HERC2: variants seen among roughly 807,000 people sequenced by gnomAD.
The protein encoded by HERC2 is E3 ubiquitin-protein ligase HERC2.
HERC2 carries 102 observed loss-of-function variants against 537.7 expected under a neutral mutation model. The observed-to-expected ratio is 0.19, with a 90% confidence interval of 0.16 to 0.22. The LOEUF is 0.22. Ranked by LOEUF, HERC2 falls within the 10% of genes least tolerant of loss-of-function variation. HERC2 has a pLI of 1.00. For synonymous variants in HERC2, 2,224 were observed against 2,466.2 expected (o/e 0.90, Z 2.91); for missense variants, 4,236 against 6,198.2 (o/e 0.68, Z 10.63).
intron 78 of HERC2, among the ~76,000 whole-genome samples, chr15:28,140,531 T>G (rs371826254): frequency 5.9e-5 from 9 of 152,144 alleles, no homozygotes; most frequent in Non-Finnish European, 1.3e-4. Context: ...CAATCTTTTT[T>G]TGGGGGCGGA....
chr15:28,225,278 C>T (rs1901004022), intron 35 of HERC2, among the ~76,000 whole-genome samples: 1 of 146,966 alleles, frequency 6.8e-6, no homozygotes, highest in Admixed American at 6.6e-5. Flanking sequence ...CAAAAAAATA[C>T]AAAGCAGAAA....
At chr15:28,248,261 T>C (rs533548383) in intron 21 of HERC2, among the ~76,000 whole-genome samples, 11 of 152,318 alleles carry the variant, frequency 7.2e-5, no homozygotes, top group South Asian at 2.1e-4. Flanking sequence ...CAGCATTCCA[T>C]AGCACATGGA....
intron 2 of HERC2, among the ~76,000 whole-genome samples, chr15:28,317,916 T>C (rs2141323188): frequency 6.6e-6 from 1 of 152,300 alleles, no homozygotes; most frequent in South Asian, 2.1e-4. Context: ...AAATAAAAAG[T>C]TTTTTAAAAA....
In HERC2 at chr15:28,113,679, C is replaced by A; in HGVS notation, c.13914-1G>T. On this transcript the variant is annotated splice_acceptor_variant, in intron 90 of 92. Transcript: ENST00000261609. LOFTEE classifies it high-confidence loss of function. This position sits in a 1 kb window ranked among gnomAD's most constrained non-coding sequence, Gnocchi z 7.0. ...CACCTGCTCATCAAATTCATGGAGT[C>A]TGGAAGAAAAAGCTCACTTTACACT... 6.2e-7 allele frequency: 1 copy of A among 1,613,512 alleles called. No individual in the cohort carries two copies. Among genetic ancestry groups the A allele is most frequent in the Non-Finnish European group, 8.5e-7 (1 of 1,179,500 alleles).
At chr15:28,321,936 C>G (rs1272457049) in intron 1 of HERC2, 139 bp downstream of exon 1, 1 of 137,324 alleles carries the variant, frequency 7.3e-6, no homozygotes, top group Non-Finnish European at 1.5e-5. Flanking sequence ...GGAGAGAGGC[C>G]CGAGGCTGCC....
At chr15:28,192,927 T>TC (rs1896984595) in intron 52 of HERC2, among the ~76,000 whole-genome samples, 2 of 141,758 alleles carry the variant, frequency 1.4e-5, no homozygotes, top group South Asian at 5.3e-4. Flanking sequence ...TTTTTGGGTT[T>TC]CCCTTTTTTT....
chr15:28,321,517 G>T (rs1453645527), intron 1 of HERC2, 53 bp from the exon 2 acceptor site: 3 of 930,374 alleles, frequency 3.2e-6, no homozygotes, highest in South Asian at 1.5e-5. Context: ...AGTTTACAAA[G>T]ACACTCCCGA....
chr15:28,115,296 T>C, intron 89 of HERC2, 133 bp downstream of exon 89: 4 of 471,084 alleles, frequency 8.5e-6, no homozygotes, highest in Admixed American at 3.8e-5. Context: ...TCAAAGGTGG[T>C]CCACAGCCAA....
At chr15:28,158,392 A>G (rs1277799550) in intron 69 of HERC2, among the ~76,000 whole-genome samples, 5 of 152,180 alleles carry the variant, frequency 3.3e-5, no homozygotes, top group Non-Finnish European at 7.3e-5. Context: ...TGGGTCTCTA[A>G]GGACTTGCTT....
chr15:28,117,128 C>T lies in HERC2; in HGVS notation c.13299G>A (p.Gly4433=). 2.5e-6 allele frequency: 4 copies of T among 1,614,034 alleles called. No homozygotes were observed. Among genetic ancestry groups the T allele is most frequent in the South Asian group, 1.1e-5 (1 of 91,086 alleles). The change falls in exon 87 of 93, where the codon GGG becomes GGA. Residue 4433 remains glycine, a synonymous_variant. Transcript: ENST00000261609. The stretch of plus-strand genomic sequence containing the variant: ...ACTTGGTGCCGTCGGGGCCGGCCAG[C>T]CCGCCTTTGCTCCTTGATCGTTTGA... The part of the protein sequence containing the change: ...IQVKRSRSKG[G]LAGPDGTKSV...
chr15:28,199,504 C>T (rs1897689412), intron 48 of HERC2, among the ~76,000 whole-genome samples: 1 of 152,172 alleles, frequency 6.6e-6, no homozygotes, highest in African/African-American at 2.4e-5. Context: ...TTATCAAGAG[C>T]AACCAAGATT....
intron 85 of HERC2, 134 bp from the exon 86 acceptor site, chr15:28,121,563 CT>C: frequency 1.4e-6 from 1 of 738,760 alleles, no homozygotes; most frequent in East Asian, 2.7e-5. Flanking sequence ...GTTCCCTTTT[CT>C]CAAGTTGTGA....
chr15:28,135,312 T>C (rs1890523715), intron 79 of HERC2, among the ~76,000 whole-genome samples, 166 bp downstream of exon 79: 2 of 152,232 alleles, frequency 1.3e-5, no homozygotes, highest in African/African-American at 2.4e-5. Context: ...TAAGCCTTCG[T>C]ATTGGAACAT....
Position 28,233,162 on chromosome 15 carries a change from T to A in HERC2, c.4659A>T (p.Glu1553Asp), listed in dbSNP as rs757596784. The change falls in exon 30 of 93, where the codon GAA becomes GAT. Residue 1553 changes from glutamate (E) to aspartate (D), a missense_variant. By Grantham distance (45) the Glu-to-Asp change is conservative (BLOSUM62 2). Coordinates refer to ENST00000261609, the MANE Select transcript of HERC2 (RefSeq NM_004667.6). ...WRRIAQKIIR[E>D]RRKKRVPKKP... Reference sequence around the variant, plus strand: ...CATTCTTACCTCTCTTTTTCCTTCGTTCTCGAATTATCTTTTGAGCTATCC... The same window carrying A: ...CATTCTTACCTCTCTTTTTCCTTCGATCTCGAATTATCTTTTGAGCTATCC... The A allele has an allele frequency of 6.2e-7, 1 of 1,611,672 alleles. No individual in the cohort carries two copies. The highest frequency in any genetic ancestry group is 8.5e-7 in the Non-Finnish European group (1 of 1,179,632).
At chr15:28,129,301 A>C (rs1889845952) in intron 83 of HERC2, among the ~76,000 whole-genome samples, 1 of 152,186 alleles carries the variant, frequency 6.6e-6, no homozygotes. Flanking sequence ...GCAAGCTTCC[A>C]GAGTCCTCTC....
At chr15:28,290,137 T>A (rs2076274256) in intron 4 of HERC2, among the ~76,000 whole-genome samples, 1 of 152,190 alleles carries the variant, frequency 6.6e-6, no homozygotes, top group African/African-American at 2.4e-5. Flanking sequence ...ACGGGTAAGA[T>A]CTCTGAGATT....
At chr15:28,283,661 CTT>C (rs944004004) in intron 4 of HERC2, among the ~76,000 whole-genome samples, 3 of 152,172 alleles carry the variant, frequency 2.0e-5, no homozygotes, top group African/African-American at 7.2e-5. Context: ...TCCCTCACCT[CTT>C]GACTTTGCTA....
At chr15:28,182,858 T>C (rs1895956608) in intron 56 of HERC2, among the ~76,000 whole-genome samples, 1 of 152,188 alleles carries the variant, frequency 6.6e-6, no homozygotes, top group African/African-American at 2.4e-5. Context: ...GACGCACAGC[T>C]GCTACAAATG....
At chr15:28,277,661 A>G (rs1011685675) in intron 5 of HERC2, among the ~76,000 whole-genome samples, 1 of 152,168 alleles carries the variant, frequency 6.6e-6, no homozygotes, top group African/African-American at 2.4e-5. Flanking sequence ...GGACAATCTT[A>G]GCACCTACCG....
Sources: gnomAD v4.1 joint callset for allele counts (sites outside exome capture counted in the v4.1 genomes callset) on GRCh38, gnomAD v4.1.1 for gene constraint, Gnocchi (gnomAD v3.1) non-coding constraint, MANE v1.5 for transcripts, NCBI Gene and HGNC (gene_info 2026-07-23, HGNC 2026-07-21) for gene names.